The following FHL5 variants were observed in gnomAD, a reference collection of about 807,000 sequenced individuals.
FHL5 encodes four and a half LIM domains protein 5.
A neutral mutation model predicts 32.0 loss-of-function variants in FHL5; 33 were observed. The observed-to-expected ratio is 1.03, with a 90% CI of 0.78 to 1.38. The LOEUF is 1.38. Ranked by LOEUF, FHL5 falls within the 40% of genes most tolerant of loss-of-function variation. The pLI, the probability that FHL5 is intolerant of heterozygous loss-of-function variation, is 0.00. For missense variants in FHL5, 336 were observed against 343.9 expected (o/e 0.98, Z 0.18); for synonymous variants, 114 against 113.6 (o/e 1.00, Z -0.02).
chr6:96,585,110 C>G (rs1770772177), intron 1 of FHL5, among the ~76,000 whole-genome samples: 1 of 152,148 alleles, frequency 6.6e-6, no homozygotes, highest in Non-Finnish European at 1.5e-5. Context: ...AAGAAAATGA[C>G]CACAGGTAAA....
intron 1 of FHL5, among the ~76,000 whole-genome samples, chr6:96,575,192 C>T (rs1407753925): frequency 6.6e-6 from 1 of 152,166 alleles, no homozygotes; most frequent in Non-Finnish European, 1.5e-5. Flanking sequence ...TCTCCTCTCC[C>T]CGTCTCTCAA....
At chr6:96,576,113 G>C (rs150860891) in intron 1 of FHL5, among the ~76,000 whole-genome samples, 112 of 152,254 alleles carry the variant, frequency 7.4e-4, no homozygotes, top group African/African-American at 2.4e-3. Context: ...TTGTCTTCGA[G>C]ACTACCTTTT....
At chr6:96,571,625 G>A (rs1770481053) in intron 1 of FHL5, among the ~76,000 whole-genome samples, 1 of 152,142 alleles carries the variant, frequency 6.6e-6, no homozygotes, top group Non-Finnish European at 1.5e-5. Flanking sequence ...CTATGATTCT[G>A]AGGGACCCCC....
chr6:96,564,966 T>C (rs1447055698), intron 1 of FHL5, among the ~76,000 whole-genome samples: 1 of 152,074 alleles, frequency 6.6e-6, no homozygotes, highest in East Asian at 1.9e-4. Context: ...TGCAAAATAA[T>C]CAGCTTGAGG....
chr6:96,565,231 T>C (rs962438238), intron 1 of FHL5, among the ~76,000 whole-genome samples: 1 of 152,148 alleles, frequency 6.6e-6, no homozygotes, highest in Non-Finnish European at 1.5e-5. Flanking sequence ...GATTAGAACA[T>C]ACTAGGATAT....
chr6:96,568,157 C>T (rs1770400837), intron 1 of FHL5, among the ~76,000 whole-genome samples: 1 of 151,818 alleles, frequency 6.6e-6, no homozygotes, highest in Admixed American at 6.6e-5. Flanking sequence ...CCTTCTATAC[C>T]TAACTTGTTG....
At chr6:96,598,964 T>C (rs1414489578) in intron 1 of FHL5, among the ~76,000 whole-genome samples, 3 of 152,210 alleles carry the variant, frequency 2.0e-5, no homozygotes, top group African/African-American at 7.2e-5. Context: ...GGATGGCACC[T>C]AGTCCTTGCC....
At chr6:96,574,986 C>T (rs1026269743) in intron 1 of FHL5, among the ~76,000 whole-genome samples, 13 of 152,048 alleles carry the variant, frequency 8.5e-5, no homozygotes, top group African/African-American at 2.2e-4. Context: ...GTTAAATTTT[C>T]GAAAACACTT....
rs750274365 is a variant in FHL5, at chr6:96,604,828, C to G, written c.238C>G (p.Pro80Ala). ...ATGCAATCACTCTTTGGTGGAAAAG[C>G]CTTTTGCTGCCAAGGATGAGCGCCT... ...TKCNHSLVEKPFAAKDERLLC... is the reference protein window; with the variant it reads ...TKCNHSLVEKAFAAKDERLLC... The change falls in exon 3 of 6, where the codon CCT becomes GCT. Residue 80 changes from proline (P) to alanine (A), a missense_variant. By Grantham distance (27) the Pro-to-Ala change is conservative. Coordinates refer to ENST00000450218, the MANE Select transcript of FHL5 (RefSeq NM_001322466.2). 13 of 1,613,840 alleles carry G rather than the reference C, an allele frequency of 8.1e-6. No individual in the cohort carries two copies. Among genetic ancestry groups the G allele is most frequent in the Middle Eastern group, 1.6e-4 (1 of 6,082 alleles).
At chr6:96,564,021 C>G (rs1420094381) in intron 1 of FHL5, among the ~76,000 whole-genome samples, 1 of 152,140 alleles carries the variant, frequency 6.6e-6, no homozygotes, top group Non-Finnish European at 1.5e-5. Flanking sequence ...AAGCATACAT[C>G]CCATATGTGT....
intron 2 of FHL5, 101 bp downstream of exon 2, chr6:96,603,873 C>A: frequency 1.1e-6 from 1 of 891,978 alleles, no homozygotes; most frequent in East Asian, 2.5e-5. Context: ...CACTATTTCT[C>A]TGCTACTGGA....
intron 5 of FHL5, among the ~76,000 whole-genome samples, chr6:96,614,215 A>C (rs576258006): frequency 1.8e-4 from 27 of 151,964 alleles, no homozygotes; most frequent in African/African-American, 6.3e-4. Flanking sequence ...AGAAAAACTC[A>C]TGAGCATCAA....
intron 1 of FHL5, among the ~76,000 whole-genome samples, chr6:96,584,858 G>A (rs939354896): frequency 1.3e-5 from 2 of 152,150 alleles, no homozygotes; most frequent in African/African-American, 4.8e-5. Context: ...ATGCTTCTAA[G>A]GTAGAATTAA....
chr6:96,563,048 T>C (rs1770280284), upstream of FHL5: 1 of 152,222 alleles, frequency 6.6e-6, no homozygotes, highest in Non-Finnish European at 1.5e-5. Flanking sequence ...CCTGGCAGAA[T>C]TTCCCTTTAA....
rs558419543 is a variant in FHL5 at position 96,570,581 on chromosome 6, T to C, written c.-13+7226T>C. On this transcript the variant is annotated intron_variant, in intron 1 of 5. Coordinates refer to ENST00000450218, the MANE Select transcript of FHL5 (RefSeq NM_001322466.2). ...TTATTATTTTATTAAACAGGCTTTC[T>C]ATACTTTTTCCTTATCTTCTCCTTC... is the stretch of plus-strand genomic sequence containing the variant. Among the ~76,000 whole-genome samples the C allele has an allele frequency of 9.2e-5, 14 of 152,330 alleles. No individual in the cohort carries two copies. The South Asian group carries it at 2.5e-3, about 27-fold the overall frequency.
chr6:96,586,174 A>G (rs375968918), intron 1 of FHL5, among the ~76,000 whole-genome samples: 8 of 152,352 alleles, frequency 5.3e-5, no homozygotes, highest in African/African-American at 1.9e-4. Flanking sequence ...ATGAGCACAC[A>G]AAGCCCTTTC....
intron 1 of FHL5, among the ~76,000 whole-genome samples, chr6:96,566,945 T>G (rs1317268009): frequency 6.6e-6 from 1 of 152,014 alleles, no homozygotes; most frequent in Non-Finnish European, 1.5e-5. Context: ...GTTGTCTTTT[T>G]TCTCTGTTGA....
rs1771211196 is a variant in FHL5, at chr6:96,603,852, T to A, written c.159+80T>A. 3 of 1,142,024 alleles carry A rather than the reference T, an allele frequency of 2.6e-6. No homozygotes were observed. The East Asian group carries it at 7.2e-5, about 27-fold the overall frequency. 70.7% of individuals were successfully genotyped at this position (1,142,024 alleles called of 1,614,324 possible). On this transcript the variant is annotated intron_variant, in intron 2 of 5. Coordinates refer to ENST00000450218, the MANE Select transcript of FHL5 (RefSeq NM_001322466.2). ...TTGGAGTGCCTCTTTTCATTTAGTGTTGACTTTCAACACTATTTCTCTGCT... is the reference window on the plus strand; with the variant it reads ...TTGGAGTGCCTCTTTTCATTTAGTGATGACTTTCAACACTATTTCTCTGCT...
intron 1 of FHL5, among the ~76,000 whole-genome samples, chr6:96,565,469 TG>T (rs1004310140): frequency 7.9e-5 from 12 of 152,180 alleles, no homozygotes; most frequent in African/African-American, 2.7e-4. Context: ...TTTTATTTTT[TG>T]TCTTCTCAAA....
Sources: gnomAD v4.1 joint callset for allele counts (sites outside exome capture counted in the v4.1 genomes callset) on GRCh38, gnomAD v4.1.1 for gene constraint, MANE v1.5 for transcripts, NCBI Gene and HGNC (gene_info 2026-07-23, HGNC 2026-07-21) for gene names.